ROBO1: variants seen among roughly 807,000 people sequenced by gnomAD.
ROBO1 encodes the protein roundabout guidance receptor 1, also known as roundabout homolog 1.
In ROBO1, 149 loss-of-function variants were observed where a neutral mutation model predicts 195.9. The observed-to-expected ratio is 0.76, with a 90% confidence interval of 0.67 to 0.87. The LOEUF (loss-of-function observed/expected upper bound fraction) is 0.87, where lower values mean the gene tolerates loss of function less well. ROBO1 is among the 40% of genes least tolerant of loss of function. The pLI is 0.00. For missense variants in ROBO1, 1,933 were observed against 2,068.3 expected, an observed-to-expected ratio of 0.93 and a Z score of 1.27; for synonymous variants, 816 against 733.2, an observed-to-expected ratio of 1.11 and a Z score of -1.82.
intron 1 of ROBO1, among the ~76,000 whole-genome samples, chr3:79,609,232 T>A (rs1031633150): frequency 6.6e-5 from 10 of 151,636 alleles, no homozygotes; most frequent in African/African-American, 2.4e-4. Context: ...CACCATTTTC[T>A]ACCACAAGTT....
In ROBO1 at chr3:79,475,336, G is replaced by A. The variant is rs115735196; in HGVS notation, c.88+114488C>T. Among the ~76,000 whole-genome samples the A allele has an allele frequency of 2.4e-3, 365 of 152,092 alleles. 3 individuals are homozygous for A. Among genetic ancestry groups the A allele is most frequent in the African/African-American group, 8.5e-3 (355 of 41,558 alleles). ...TATTGTTTAGTCTACATGTAGATAAGTCTGGGTGAGGTTCTGCTTCTGTAA... is the reference window on the plus strand; with the variant it reads ...TATTGTTTAGTCTACATGTAGATAAATCTGGGTGAGGTTCTGCTTCTGTAA... On this transcript the variant is annotated intron_variant, in intron 2 of 30. Coordinates refer to ENST00000464233, the MANE Select transcript of ROBO1 (RefSeq NM_002941.4).
intron 3 of ROBO1, among the ~76,000 whole-genome samples, chr3:79,100,411 A>G (rs2079654209): frequency 6.6e-6 from 1 of 151,574 alleles, no homozygotes; most frequent in Admixed American, 6.6e-5. Flanking sequence ...TCCCTAAACC[A>G]TATTACTATT....
chr3:78,767,656 G>A (rs1392217228), intron 4 of ROBO1, among the ~76,000 whole-genome samples: 3 of 152,122 alleles, frequency 2.0e-5, no homozygotes, highest in Non-Finnish European at 4.4e-5. Context: ...AGCTAGAAGG[G>A]TTGTATTTTC....
At chr3:79,290,301 G>A (rs1249830499) in intron 2 of ROBO1, among the ~76,000 whole-genome samples, 3 of 151,920 alleles carry the variant, frequency 2.0e-5, no homozygotes, top group East Asian at 3.9e-4. Flanking sequence ...CAAAGTGCTG[G>A]GATTACAGGA....
intron 4 of ROBO1, among the ~76,000 whole-genome samples, chr3:78,763,969 G>C (rs1244595459): frequency 1.3e-5 from 2 of 152,120 alleles, no homozygotes; most frequent in Admixed American, 6.6e-5. Context: ...ATGTGATTAC[G>C]TGTCAAACGA....
At chr3:78,891,000 C>T (rs932123225) in intron 4 of ROBO1, among the ~76,000 whole-genome samples, 7 of 152,070 alleles carry the variant, frequency 4.6e-5, no homozygotes, top group Non-Finnish European at 7.4e-5. Context: ...CTCAGCCTTC[C>T]GATCTTTCCT....
intron 2 of ROBO1, among the ~76,000 whole-genome samples, chr3:79,516,236 G>A (rs1940938003): frequency 6.6e-6 from 1 of 152,002 alleles, no homozygotes. Flanking sequence ...TTTAAATAAA[G>A]ATAACATAAG....
At chr3:79,733,461 G>A (rs1479186567) in intron 1 of ROBO1, among the ~76,000 whole-genome samples, 1 of 152,118 alleles carries the variant, frequency 6.6e-6, no homozygotes, top group Non-Finnish European at 1.5e-5. Context: ...CCTCTTCTCA[G>A]TCGAATCTTT....
Position 79,592,544 on chromosome 3 carries a change from G to A in ROBO1, c.-50-2583C>T, listed in dbSNP as rs934863115. On this transcript the variant is annotated intron_variant, in intron 1 of 30. Transcript: ENST00000464233. ...TTGAAGTTTTGGTTTGCTTTTAATA[G>A]ATTTTACCTTTTACAGTAGCTTTAG... Among the ~76,000 whole-genome samples, 4 of 152,042 alleles carry A rather than the reference G, an allele frequency of 2.6e-5. No individual in the cohort carries two copies. The East Asian group carries it at 7.8e-4, about 30-fold the overall frequency.
chr3:78,603,507 A>G (rs185881659), intron 29 of ROBO1, among the ~76,000 whole-genome samples: 32 of 152,280 alleles, frequency 2.1e-4, no homozygotes, highest in Admixed American at 2.1e-3. Context: ...ATGCTTATAC[A>G]TAAATCTCAG....
intron 14 of ROBO1, among the ~76,000 whole-genome samples, chr3:78,664,147 T>C (rs889246650): frequency 6.6e-6 from 1 of 152,178 alleles, no homozygotes; most frequent in Non-Finnish European, 1.5e-5. Context: ...AGTTTATGAA[T>C]TGATCCTGTT....
At chr3:78,747,407 G>T (rs1157126490) in intron 4 of ROBO1, among the ~76,000 whole-genome samples, 5 of 151,806 alleles carry the variant, frequency 3.3e-5, no homozygotes, top group Non-Finnish European at 5.9e-5. Context: ...AATGTATAAG[G>T]TTATATAATC....
chr3:79,740,762 C>A (rs1400587450), intron 1 of ROBO1, among the ~76,000 whole-genome samples: 3 of 152,216 alleles, frequency 2.0e-5, no homozygotes, highest in African/African-American at 7.2e-5. Context: ...AATACTTAAT[C>A]TTGGATATTT....
chr3:78,731,080 C>A (rs2082275278), intron 5 of ROBO1, among the ~76,000 whole-genome samples: 1 of 151,688 alleles, frequency 6.6e-6, no homozygotes, highest in South Asian at 2.1e-4. Context: ...TTGGTGAAAA[C>A]AAAATAAAAG....
intron 4 of ROBO1, among the ~76,000 whole-genome samples, chr3:78,841,774 A>C (rs1419067046): frequency 3.9e-5 from 6 of 152,186 alleles, no homozygotes; most frequent in African/African-American, 9.7e-5. Context: ...ACTCATACCA[A>C]TCAATAAGAA....
intron 2 of ROBO1, among the ~76,000 whole-genome samples, chr3:79,299,614 T>C (rs1369102512): frequency 2.6e-5 from 4 of 152,308 alleles, no homozygotes; most frequent in Middle Eastern, 3.4e-3. Flanking sequence ...CAATAATATA[T>C]TCATTTTGGA....
chr3:79,586,399 A>G (rs939608137), intron 2 of ROBO1, among the ~76,000 whole-genome samples: 1 of 151,892 alleles, frequency 6.6e-6, no homozygotes, highest in Non-Finnish European at 1.5e-5. Flanking sequence ...TAAGCAGTAA[A>G]TCATTTCAGA....
intron 2 of ROBO1, among the ~76,000 whole-genome samples, chr3:79,402,126 T>A (rs2037387988): frequency 6.6e-6 from 1 of 151,950 alleles, no homozygotes; most frequent in Admixed American, 6.6e-5. Context: ...TAATTTTCTC[T>A]GCACTTATCA....
chr3:78,923,823 G>A (rs949818450), intron 4 of ROBO1, among the ~76,000 whole-genome samples: 2 of 152,104 alleles, frequency 1.3e-5, no homozygotes, highest in African/African-American at 4.8e-5. Context: ...CTCTGAGAAG[G>A]CGAAGGAGGC....
Sources: allele counts gnomAD v4.1 joint callset (sites outside exome capture counted in the v4.1 genomes callset), GRCh38; gene constraint gnomAD v4.1.1; transcripts MANE v1.5; gene names NCBI Gene and HGNC (gene_info 2026-07-23, HGNC 2026-07-21).